Variants in WDPCP observed in about 807,000 individuals in gnomAD.
The protein encoded by WDPCP is WD repeat containing planar cell polarity effector.
Under a neutral mutation model 93.1 loss-of-function variants are expected in WDPCP, and 71 were observed. That is an observed-to-expected ratio of 0.76 (90% CI 0.63 to 0.93). The LOEUF (loss-of-function observed/expected upper bound fraction) is 0.93. Ranked by LOEUF, WDPCP falls within the 40% of genes least tolerant of loss-of-function variation. WDPCP has a pLI of 0.00. For synonymous variants in WDPCP, 315 were observed against 315.0 expected, an observed-to-expected ratio of 1.00 and a Z score of 0.00; for missense variants, 844 against 887.4, an observed-to-expected ratio of 0.95 and a Z score of 0.62.
chr2:63,297,889 T>C (rs1684990903), intron 13 of WDPCP, among the ~76,000 whole-genome samples: 1 of 152,092 alleles, frequency 6.6e-6, no homozygotes, highest in Admixed American at 6.5e-5. Flanking sequence ...CTGATTTGGG[T>C]GGTCTCTACA....
chr2:63,230,433 A>T (rs1223752634), intron 14 of WDPCP, among the ~76,000 whole-genome samples: 1 of 152,110 alleles, frequency 6.6e-6, no homozygotes, highest in African/African-American at 2.4e-5. Context: ...ATGATTTATA[A>T]TCCTTTGGGT....
chr2:63,800,939 A>G (rs1019743730), intron 2 of WDPCP, among the ~76,000 whole-genome samples: 1 of 152,048 alleles, frequency 6.6e-6, no homozygotes, highest in Non-Finnish European at 1.5e-5. Context: ...CTGTAGTCCC[A>G]GCTACTCCGG....
At chr2:63,148,814 G>A (rs1341207328) in intron 17 of WDPCP, among the ~76,000 whole-genome samples, 1 of 151,718 alleles carries the variant, frequency 6.6e-6, no homozygotes, top group African/African-American at 2.4e-5. Flanking sequence ...TGCCATAAAA[G>A]TTAAGCTGCT....
intron 6 of WDPCP, among the ~76,000 whole-genome samples, chr2:63,458,117 C>T (rs1460008352): frequency 1.2e-4 from 18 of 144,058 alleles, no homozygotes; most frequent in Middle Eastern, 7.1e-3. Context: ...TGTGAGACTC[C>T]GTCTCAAAAA....
chr2:63,431,433 T>G (rs1225093742), intron 9 of WDPCP, among the ~76,000 whole-genome samples: 1 of 152,150 alleles, frequency 6.6e-6, no homozygotes, highest in East Asian at 1.9e-4. Context: ...CTATAGTAGA[T>G]CCAATGATTA....
At chr2:63,275,893 T>G (rs1264701834) in intron 13 of WDPCP, among the ~76,000 whole-genome samples, 3 of 152,158 alleles carry the variant, frequency 2.0e-5, no homozygotes, top group Admixed American at 6.5e-5. Context: ...ACTCACATCA[T>G]GAACTTTTGC....
intron 9 of WDPCP, among the ~76,000 whole-genome samples, chr2:63,422,495 C>T (rs1695941491): frequency 1.3e-5 from 2 of 152,114 alleles, no homozygotes; most frequent in Non-Finnish European, 2.9e-5. Context: ...GACATTTGTC[C>T]TGTTTACCCT....
chr2:63,840,275 G>C, the WDPCP span, among the ~76,000 whole-genome samples: 2 of 152,266 alleles, frequency 1.3e-5, no homozygotes, highest in African/African-American at 4.8e-5. Context: ...GGCTGGCCCT[G>C]TAACAGTCCC....
intron 1 of WDPCP, among the ~76,000 whole-genome samples, chr2:63,502,453 C>G (rs1057498087): frequency 1.1e-4 from 17 of 152,244 alleles, no homozygotes; most frequent in Non-Finnish European, 2.2e-4. Flanking sequence ...CATGACTGTA[C>G]TTTTTCCTAT....
chr2:63,558,679 T>C (rs902107877), intron 1 of WDPCP, among the ~76,000 whole-genome samples: 14 of 151,840 alleles, frequency 9.2e-5, no homozygotes, highest in African/African-American at 3.4e-4. Context: ...CTAGAAAATC[T>C]AGAAGAAATG....
chr2:63,484,691 G>A lies in WDPCP; in HGVS notation c.325-28C>T, dbSNP rs766946783. ...GAAGCACAACAGAAAAAGAGAGAGC[G>A]TAGTTGGCTGTACACATTGTCATTA... is the stretch of plus-strand genomic sequence containing the variant. On this transcript the variant is annotated intron_variant, in intron 5 of 17. Transcript: ENST00000272321. 17 of 1,612,210 alleles carry A rather than the reference G, an allele frequency of 1.1e-5. No homozygotes were observed. The South Asian group carries it at 1.2e-4, about 11-fold the overall frequency.
chr2:63,664,791 T>C (rs1052923037), intron 2 of WDPCP, among the ~76,000 whole-genome samples: 2 of 152,208 alleles, frequency 1.3e-5, no homozygotes, highest in East Asian at 3.8e-4. Context: ...GCACTTTATA[T>C]ACATATATAA....
At chr2:63,652,785 T>C (rs1437026979) in intron 2 of WDPCP, among the ~76,000 whole-genome samples, 3 of 150,240 alleles carry the variant, frequency 2.0e-5, no homozygotes, top group Non-Finnish European at 4.4e-5. Context: ...TCCAACTCAG[T>C]GTGGGCCATT....
chr2:63,599,708 G>A (rs1355320846), intron 3 of WDPCP: 1 of 152,206 alleles, frequency 6.6e-6, no homozygotes, highest in African/African-American at 2.4e-5. Flanking sequence ...CTGCAGCTAA[G>A]CCATCAAATT....
chr2:63,464,598 GCACTATT>G (rs1303724484), intron 6 of WDPCP, among the ~76,000 whole-genome samples: 9 of 151,970 alleles, frequency 5.9e-5, no homozygotes, highest in Non-Finnish European at 1.2e-4. Flanking sequence ...CTTCATAGAT[GCACTATT>G]CACAAACTCT....
At chr2:63,151,417 G>A (rs375075263) in intron 17 of WDPCP, among the ~76,000 whole-genome samples, 1 of 152,068 alleles carries the variant, frequency 6.6e-6, no homozygotes, top group East Asian at 1.9e-4. Context: ...TAGAGATGGG[G>A]TTTTGCCATG....
chr2:63,592,407 C>T (rs1433356420), upstream of WDPCP, among the ~76,000 whole-genome samples: 1 of 152,180 alleles, frequency 6.6e-6, no homozygotes, highest in African/African-American at 2.4e-5. Flanking sequence ...CTGAAGTGCA[C>T]TCACACAGTA....
At chr2:63,259,166 G>A in intron 14 of WDPCP, 141 bp downstream of exon 14, 1 of 727,894 alleles carries the variant, frequency 1.4e-6, no homozygotes, top group Non-Finnish European at 2.3e-6. Context: ...GTTTGTCAAA[G>A]CTTAATTCTT....
chr2:63,774,090 C>T (rs1430162312), intron 2 of WDPCP, among the ~76,000 whole-genome samples: 1 of 151,966 alleles, frequency 6.6e-6, no homozygotes, highest in Admixed American at 6.6e-5. Context: ...AAAAATATGC[C>T]ATGGCTATAT....
Sources: allele counts gnomAD v4.1 joint callset (sites outside exome capture counted in the v4.1 genomes callset), GRCh38; gene constraint gnomAD v4.1.1; transcripts MANE v1.5; gene names NCBI Gene and HGNC (gene_info 2026-07-23, HGNC 2026-07-21).